BAZ2B: variants seen among roughly 807,000 people sequenced by gnomAD.
The protein encoded by BAZ2B is bromodomain adjacent to zinc finger domain 2B.
Under a neutral mutation model 246.0 loss-of-function variants are expected in BAZ2B, and 91 were observed. That is an observed-to-expected ratio of 0.37 (90% CI 0.31 to 0.44). BAZ2B has a LOEUF of 0.44. Ranked by LOEUF, BAZ2B falls within the 20% of genes least tolerant of loss-of-function variation. The pLI is 1.00. For missense variants in BAZ2B, 2,332 were observed against 2,533.7 expected, an observed-to-expected ratio of 0.92 and a Z score of 1.71; for synonymous variants, 855 against 860.0, an observed-to-expected ratio of 0.99 and a Z score of 0.10.
intron 1 of BAZ2B, among the ~76,000 whole-genome samples, chr2:159,573,818 G>C (rs1030104090): frequency 3.9e-5 from 6 of 152,142 alleles, no homozygotes; most frequent in African/African-American, 1.4e-4. Flanking sequence ...AAACAACACA[G>C]CCAGGCACAG....
chr2:159,413,975 G>A (rs1435428324), intron 13 of BAZ2B, among the ~76,000 whole-genome samples: 1 of 152,176 alleles, frequency 6.6e-6, no homozygotes, highest in Non-Finnish European at 1.5e-5. Context: ...CATGTTTGCT[G>A]CAGCACTGTT....
chr2:159,377,855 C>A lies in BAZ2B; in HGVS notation c.4006-3102G>T, dbSNP rs1363022786. Among the ~76,000 whole-genome samples the A allele has an allele frequency of 2.1e-5, 3 of 146,160 alleles. No individual in the cohort carries two copies. In the East Asian group the frequency reaches 6.0e-4, roughly 29 times the overall value. On this transcript the variant is annotated intron_variant, in intron 25 of 36. Transcript: ENST00000392783. ...AGAAGTGAAATACTACCTTAAATGA[C>A]ACATCTCCTTTAAAACTTTAATAAT...
chr2:159,511,416 G>A, intron 2 of BAZ2B, among the ~76,000 whole-genome samples: 1 of 152,078 alleles, frequency 6.6e-6, no homozygotes, highest in East Asian at 1.9e-4. Context: ...ATGTTGGCAA[G>A]GCTGGTCTCA....
chr2:159,710,575 A>G, the BAZ2B span: 1 of 152,226 alleles, frequency 6.6e-6, no homozygotes, highest in Non-Finnish European at 1.5e-5. Context: ...CCTGAATACT[A>G]AAATCAGAGA....
At chr2:159,512,065 A>G (rs2082981470) in intron 2 of BAZ2B, among the ~76,000 whole-genome samples, 1 of 152,176 alleles carries the variant, frequency 6.6e-6, no homozygotes, top group Non-Finnish European at 1.5e-5. Flanking sequence ...AGAAATATAT[A>G]GACAATGTAA....
intron 29 of BAZ2B, 55 bp downstream of exon 29, chr2:159,348,952 G>A: frequency 6.3e-7 from 1 of 1,585,202 alleles, no homozygotes; most frequent in Admixed American, 1.7e-5. Flanking sequence ...TATAATACAG[G>A]AATCCATAAT....
chr2:159,594,589 A>G (rs899646942), intron 1 of BAZ2B, among the ~76,000 whole-genome samples: 5 of 152,164 alleles, frequency 3.3e-5, no homozygotes, highest in African/African-American at 1.2e-4. Context: ...AACATGAAAC[A>G]GATAAATTCT....
At chr2:159,678,701 G>T in the BAZ2B span, among the ~76,000 whole-genome samples, 3 of 152,108 alleles carry the variant, frequency 2.0e-5, no homozygotes, top group African/African-American at 7.2e-5. Flanking sequence ...TGATCTGATG[G>T]TGGGGGAGGC....
intron 1 of BAZ2B, among the ~76,000 whole-genome samples, chr2:159,599,949 A>G (rs936538707): frequency 8.6e-5 from 13 of 151,672 alleles, no homozygotes; most frequent in South Asian, 6.2e-4. Flanking sequence ...AAAAAAAAAA[A>G]AAAAGAAAAG....
rs1196428353 is a variant in BAZ2B at position 159,373,165 on chromosome 2, G to C, written c.4093C>G (p.Leu1365Val). Reference protein sequence around the residue: ...SKQQSQYRRKLFDASHSLRSV... With the variant: ...SKQQSQYRRKVFDASHSLRSV... Reference sequence around the variant, plus strand: ...CGCAATGAGTGAGACGCATCAAAGAGCTTCCTTCTGTACTGACTCTGTTGC... The same window carrying C: ...CGCAATGAGTGAGACGCATCAAAGACCTTCCTTCTGTACTGACTCTGTTGC... The change falls in exon 27 of 37, where the codon CTC becomes GTC. Residue 1365 changes from leucine (L) to valine (V), a missense_variant. Around this residue, in one of 9 missense-constraint regions of BAZ2B, gnomAD observed 676 missense variants for 668.6 expected, o/e 1.01. Transcript: ENST00000392783. 6.2e-7 allele frequency: 1 copy of C among 1,613,780 alleles called. No individual in the cohort carries two copies. The highest frequency in any genetic ancestry group is 1.7e-5 in the Admixed American group (1 of 59,970).
At chr2:159,444,895 T>G (rs1421932677) in intron 6 of BAZ2B, 1 of 152,266 alleles carries the variant, frequency 6.6e-6, no homozygotes, top group Non-Finnish European at 1.5e-5. Flanking sequence ...TCCCAAATGT[T>G]TGCAGTTGAT....
chr2:159,467,566 T>C (rs1458657609), intron 3 of BAZ2B, among the ~76,000 whole-genome samples: 5 of 152,198 alleles, frequency 3.3e-5, no homozygotes, highest in Admixed American at 2.6e-4. Context: ...TAACCAATCA[T>C]TCTTGTCTAG....
chr2:159,338,621 C>A (rs899965943), intron 31 of BAZ2B, among the ~76,000 whole-genome samples: 1 of 152,106 alleles, frequency 6.6e-6, no homozygotes, highest in Non-Finnish European at 1.5e-5. Context: ...CATTGAAGTA[C>A]CTCAATCTAT....
intron 1 of BAZ2B, among the ~76,000 whole-genome samples, chr2:159,611,792 A>G (rs186738292): frequency 8.5e-5 from 13 of 152,138 alleles, no homozygotes; most frequent in Admixed American, 3.3e-4. Context: ...AGTAATAAAT[A>G]AACTATATTA....
chr2:159,365,835 G>A (rs763720828), intron 27 of BAZ2B, among the ~76,000 whole-genome samples: 5 of 152,140 alleles, frequency 3.3e-5, no homozygotes, highest in Non-Finnish European at 7.4e-5. Flanking sequence ...GGGCATAAAC[G>A]TGCCTGACCA....
At chr2:159,643,786 G>C in the BAZ2B span, among the ~76,000 whole-genome samples, 3 of 145,892 alleles carry the variant, frequency 2.1e-5, no homozygotes, top group Non-Finnish European at 4.5e-5. Flanking sequence ...TGAAGCAGGA[G>C]AATCGCTTGA....
chr2:159,596,463 T>C (rs1283425367), intron 1 of BAZ2B, among the ~76,000 whole-genome samples: 2 of 152,248 alleles, frequency 1.3e-5, no homozygotes, highest in Non-Finnish European at 2.9e-5. Context: ...TCTTGATTTA[T>C]AGCAGCTAAC....
chr2:159,575,411 G>A (rs1198302302), intron 1 of BAZ2B, among the ~76,000 whole-genome samples: 1 of 152,180 alleles, frequency 6.6e-6, no homozygotes, highest in East Asian at 1.9e-4. Context: ...TGTATCAAGG[G>A]CTTACCATCT....
rs568769942 is a variant in BAZ2B, at chr2:159,437,410, T to C, written c.1293+893A>G. 109 of 151,760 alleles carry C rather than the reference T, an allele frequency of 7.2e-4. 2 individuals are homozygous for C. The highest frequency in any genetic ancestry group is 2.1e-3 in the African/African-American group (88 of 41,408). 9.4% of individuals were successfully genotyped at this position (151,760 alleles called of 1,614,324 possible). On this transcript the variant is annotated intron_variant, in intron 8 of 36. Transcript: ENST00000392783. ...CAAAGGAAAATTTTTTTTTTTTTTT[T>C]CGGTAGAGACAGGGTCTCACTATGT...
Sources: allele counts gnomAD v4.1 joint callset (sites outside exome capture counted in the v4.1 genomes callset), GRCh38; gene constraint gnomAD v4.1.1; regional missense constraint gnomAD v4.1.1; transcripts MANE v1.5; gene names NCBI Gene and HGNC (gene_info 2026-07-23, HGNC 2026-07-21).